The following ADCY10 variants were observed in gnomAD, a reference collection of about 807,000 sequenced individuals.
The protein encoded by ADCY10 is adenylate cyclase type 10.
A neutral mutation model predicts 183.3 loss-of-function variants in ADCY10; 156 were observed. The observed-to-expected ratio is 0.85, with a 90% confidence interval of 0.75 to 0.97. The LOEUF (loss-of-function observed/expected upper bound fraction) is 0.97. Ranked by LOEUF, ADCY10 falls within the 50% of genes least tolerant of loss-of-function variation. The probability of loss-of-function intolerance (pLI) is 0.00; values close to 1 mark genes in which losing one functional copy is unlikely to be tolerated. For synonymous variants in ADCY10, 645 were observed against 670.0 expected, an observed-to-expected ratio of 0.96 and a Z score of 0.58; for missense variants, 1,745 against 1,934.3, an observed-to-expected ratio of 0.90 and a Z score of 1.84.
chr1:167,840,065 A>G (rs1214067628), intron 21 of ADCY10, among the ~76,000 whole-genome samples: 1 of 151,728 alleles, frequency 6.6e-6, no homozygotes, highest in Non-Finnish European at 1.5e-5. Context: ...AAAAAAAAAA[A>G]AAGAAAAGAA....
rs368942743 is a variant in ADCY10 at position 167,829,271 on chromosome 1, A to G, written c.3746T>C (p.Phe1249Ser). The G allele has an allele frequency of 4.2e-5, 68 of 1,613,928 alleles. No homozygotes were observed. The highest frequency in any genetic ancestry group is 5.8e-5 in the Non-Finnish European group (68 of 1,179,910). ...MNTALETQNC[F>S]QIIKAYLDYS... is the part of the protein sequence containing the mutation. ...GCAGCTACAAAAATCCCCTACCTGG[A>G]AACAATTTTGAGTTTCCAGTGCAGT... is the stretch of plus-strand genomic sequence containing the variant. Residue 1249 changes from phenylalanine (F) to serine (S), a missense_variant, in exon 26 of 33, where the codon TTC becomes TCC. Transcript: ENST00000367851.
chr1:167,864,846 G>A (rs898416082), intron 14 of ADCY10, among the ~76,000 whole-genome samples: 4 of 149,866 alleles, frequency 2.7e-5, no homozygotes, highest in Non-Finnish European at 4.4e-5. Flanking sequence ...AGTAACCCAC[G>A]GATGGCCCAG....
chr1:167,839,531 C>T (rs1395730292), intron 21 of ADCY10, among the ~76,000 whole-genome samples: 1 of 152,208 alleles, frequency 6.6e-6, no homozygotes, highest in Admixed American at 6.5e-5. Flanking sequence ...ATTTAAGCCA[C>T]ACTAGCTAGG....
At chr1:167,910,246 T>A (rs1197276580) in intron 1 of ADCY10, among the ~76,000 whole-genome samples, 1 of 152,318 alleles carries the variant, frequency 6.6e-6, no homozygotes, top group East Asian at 1.9e-4. Flanking sequence ...CCTTTTCATA[T>A]GTTAACTAGC....
intron 21 of ADCY10, among the ~76,000 whole-genome samples, chr1:167,843,597 G>C (rs574617358): frequency 6.6e-6 from 1 of 152,046 alleles, no homozygotes; most frequent in Non-Finnish European, 1.5e-5. Flanking sequence ...CAAGGGTCTT[G>C]TTACCCTCCC....
chr1:167,893,414 T>C (rs1042578502), intron 8 of ADCY10, among the ~76,000 whole-genome samples: 4 of 152,144 alleles, frequency 2.6e-5, no homozygotes, highest in Admixed American at 2.6e-4. Context: ...CACCTACATA[T>C]AGAGAATGTC....
At chr1:167,835,002 G>A (rs1433432556) in intron 23 of ADCY10, among the ~76,000 whole-genome samples, 1 of 152,130 alleles carries the variant, frequency 6.6e-6, no homozygotes, top group Admixed American at 6.5e-5. Flanking sequence ...AATGTTTCAA[G>A]GACAGGAACT....
Position 167,902,073 on chromosome 1 carries a change from AT to A in ADCY10, c.254-20del, listed in dbSNP as rs1214088006. The A allele has an allele frequency of 6.3e-7, 1 of 1,582,376 alleles. No homozygotes were observed. Among genetic ancestry groups the A allele is most frequent in the Non-Finnish European group, 8.7e-7 (1 of 1,153,648 alleles). On this transcript the variant is annotated intron_variant, in intron 3 of 32. Transcript: ENST00000367851. The stretch of plus-strand genomic sequence containing the variant: ...AACACTTCTGAGAAAAAAAAAAAAA[AT>A]TAAATCAAACCCTGATTCCTTAAAG...
At chr1:167,903,323 G>C (rs998688302) in intron 3 of ADCY10, among the ~76,000 whole-genome samples, 13 of 151,500 alleles carry the variant, frequency 8.6e-5, no homozygotes, top group Admixed American at 3.3e-4. Context: ...CAGCACTTTG[G>C]GGGGCTGAGG....
At position 167,847,415 on chromosome 1, in the gene ADCY10, T is replaced by C. The variant is rs573833496; in HGVS notation, c.2437+946A>G. 4.6e-5 allele frequency among the ~76,000 whole-genome samples: 7 copies of C among 151,974 alleles called. No homozygotes were observed. In the East Asian group the frequency reaches 1.4e-3, roughly 30 times the overall value. On this transcript the variant is annotated intron_variant, in intron 19 of 32. Transcript: ENST00000367851. ...AAGAATAATAATACATCTTTCTTTC[T>C]TTCTTTCTTTCTTTTTTGAGACAGA...
chr1:167,872,171 T>C (rs1367920009), intron 13 of ADCY10, among the ~76,000 whole-genome samples: 1 of 152,070 alleles, frequency 6.6e-6, no homozygotes, highest in Non-Finnish European at 1.5e-5. Context: ...AAACCCCGTC[T>C]CTATTAAAAA....
intron 32 of ADCY10, among the ~76,000 whole-genome samples, chr1:167,810,498 G>T (rs995254803): frequency 6.6e-6 from 1 of 152,142 alleles, no homozygotes; most frequent in Non-Finnish European, 1.5e-5. Context: ...ACAGCAAAAG[G>T]CACCATCTGT....
intron 19 of ADCY10, 83 bp from the exon 20 acceptor site, chr1:167,846,346 AC>A: frequency 6.6e-7 from 1 of 1,510,068 alleles, no homozygotes; most frequent in Non-Finnish European, 9.2e-7. Context: ...CAGGTGGACA[AC>A]CATCCTGCTC....
At position 167,844,494 on chromosome 1, in the gene ADCY10, G is replaced by T. The variant is rs146813507; in HGVS notation, c.3007+1069C>A. On this transcript the variant is annotated intron_variant, in intron 21 of 32. Transcript: ENST00000367851. ...TTACCTAAAATCCAACCCCACATTT[G>T]GGGGAGCTCAGGTATAATGAGCAGA... Among the ~76,000 whole-genome samples the T allele has an allele frequency of 7.5e-3, 1,148 of 152,268 alleles. 3 individuals are homozygous for T. Among genetic ancestry groups the T allele is most frequent in the African/African-American group, 0.019 (779 of 41,554 alleles).
At position 167,870,360 on chromosome 1, in the gene ADCY10, T is replaced by C; in HGVS notation, c.1513A>G (p.Ile505Val). ...YFMYTMKKFL[I>V]SNSSQVLMYE... ...ATTAAGACTTGGCTGCTGTTAGATA[T>C]CAAAAATTTCTTCATAGTATACATG... is the stretch of plus-strand genomic sequence containing the variant. The change falls in exon 14 of 33, where the codon ATA becomes GTA. Residue 505 changes from isoleucine to valine, a missense_variant. By Grantham distance (29) the Ile-to-Val change is conservative (BLOSUM62 3). Coordinates refer to ENST00000367851, the MANE Select transcript of ADCY10 (RefSeq NM_018417.6). 2 of 1,613,484 alleles carry C rather than the reference T, an allele frequency of 1.2e-6. No individual in the cohort carries two copies. The highest frequency in any genetic ancestry group is 1.7e-6 in the Non-Finnish European group (2 of 1,179,486).
At chr1:167,890,958 TTTAG>T (rs928626134) in intron 8 of ADCY10, among the ~76,000 whole-genome samples, 10 of 151,574 alleles carry the variant, frequency 6.6e-5, no homozygotes, top group African/African-American at 9.7e-5. Context: ...TATTTATTTA[TTTAG>T]TTAGTTAGTT....
chr1:167,848,615 A>C, intron 18 of ADCY10, 126 bp from the exon 19 acceptor site: 1 of 1,077,114 alleles, frequency 9.3e-7, no homozygotes, highest in Middle Eastern at 3.0e-4. Flanking sequence ...TTGGCTCACC[A>C]AATATTCTGG....
chr1:167,895,620 T>G (rs1392255283), intron 7 of ADCY10, among the ~76,000 whole-genome samples: 1 of 152,200 alleles, frequency 6.6e-6, no homozygotes, highest in Non-Finnish European at 1.5e-5. Flanking sequence ...TAGGGTATTT[T>G]GTTTGTTTTT....
chr1:167,827,399 C>G (rs989894817), intron 26 of ADCY10, among the ~76,000 whole-genome samples: 2 of 150,252 alleles, frequency 1.3e-5, no homozygotes, highest in African/African-American at 4.9e-5. Flanking sequence ...ATCTCCTTAC[C>G]TTGTGATCCG....
Sources: allele counts gnomAD v4.1 joint callset (sites outside exome capture counted in the v4.1 genomes callset), GRCh38; gene constraint gnomAD v4.1.1; transcripts MANE v1.5; gene names NCBI Gene and HGNC (gene_info 2026-07-23, HGNC 2026-07-21).